Variants in LRRIQ3 observed in about 807,000 individuals in gnomAD.
LRRIQ3 encodes the protein leucine rich repeats and IQ motif containing 3, also known as leucine-rich repeat and IQ domain-containing protein 3.
LRRIQ3 carries 75 observed loss-of-function variants against 59.3 expected under a neutral mutation model. The observed-to-expected ratio is 1.26, with a 90% CI of 1.05 to 1.53. The LOEUF is 1.53. Ranked by LOEUF, LRRIQ3 falls within the 40% of genes most tolerant of loss-of-function variation. The probability of loss-of-function intolerance (pLI) is 0.00; values close to 1 mark genes in which losing one functional copy is unlikely to be tolerated. For synonymous variants in LRRIQ3, 250 were observed against 231.3 expected (o/e 1.08, Z -0.73); for missense variants, 831 against 710.0 (o/e 1.17, Z -1.94).
intron 4 of LRRIQ3, among the ~76,000 whole-genome samples, chr1:74,149,558 T>C (rs1189412605): frequency 6.6e-6 from 1 of 152,224 alleles, no homozygotes; most frequent in Non-Finnish European, 1.5e-5. Context: ...TCAGTCTTGC[T>C]GGAGTACTAC....
chr1:74,027,446 T>C (rs926771944), intron 7 of LRRIQ3, among the ~76,000 whole-genome samples: 3 of 152,012 alleles, frequency 2.0e-5, no homozygotes, highest in Admixed American at 1.3e-4. Context: ...TGTGTACTTA[T>C]AAGAAGAGGA....
At chr1:74,067,400 C>T (rs1025263272) in intron 6 of LRRIQ3, among the ~76,000 whole-genome samples, 4 of 152,058 alleles carry the variant, frequency 2.6e-5, no homozygotes, top group African/African-American at 9.7e-5. Flanking sequence ...GTTCTCTTGC[C>T]TTCTGAATGT....
chr1:74,156,072 G>C (rs1648306209), intron 3 of LRRIQ3, among the ~76,000 whole-genome samples: 1 of 152,208 alleles, frequency 6.6e-6, no homozygotes, highest in East Asian at 1.9e-4. Context: ...TTAGAGATAG[G>C]GGCTTGTGGG....
chr1:74,168,777 T>C (rs1649149449), intron 3 of LRRIQ3, among the ~76,000 whole-genome samples: 1 of 152,122 alleles, frequency 6.6e-6, no homozygotes, highest in Admixed American at 6.6e-5. Context: ...ATAATTAGCA[T>C]ACACAAAAAG....
chr1:74,049,160 G>T (rs1467216088), intron 6 of LRRIQ3, among the ~76,000 whole-genome samples: 1 of 152,162 alleles, frequency 6.6e-6, no homozygotes, highest in East Asian at 1.9e-4. Context: ...GCCTGCTAGG[G>T]ATACAGAGAG....
intron 4 of LRRIQ3, among the ~76,000 whole-genome samples, chr1:74,154,985 G>A (rs1246491722): frequency 6.6e-6 from 1 of 152,132 alleles, no homozygotes. Context: ...TGTGCTGGAA[G>A]GCATTACATC....
chr1:74,150,037 G>T (rs1647825220), intron 4 of LRRIQ3, among the ~76,000 whole-genome samples: 1 of 152,166 alleles, frequency 6.6e-6, no homozygotes, highest in Non-Finnish European at 1.5e-5. Context: ...AAAGAGAAAT[G>T]CAGTATATCC....
At chr1:74,169,991 T>G (rs1362120641) in intron 3 of LRRIQ3, among the ~76,000 whole-genome samples, 3 of 152,228 alleles carry the variant, frequency 2.0e-5, no homozygotes, top group African/African-American at 7.2e-5. Flanking sequence ...TATTCAAGTC[T>G]GTTAACCATT....
chr1:74,109,753 T>C (rs960814866), intron 4 of LRRIQ3, among the ~76,000 whole-genome samples, 200 bp from the exon 5 acceptor site: 5 of 151,802 alleles, frequency 3.3e-5, no homozygotes, highest in Non-Finnish European at 7.4e-5. Context: ...GATAAATGAA[T>C]GCTGAGAAAT....
chr1:74,045,228 C>T (rs951433065), intron 6 of LRRIQ3, among the ~76,000 whole-genome samples: 3 of 152,168 alleles, frequency 2.0e-5, no homozygotes, highest in Admixed American at 6.5e-5. Context: ...TACTGGCGAA[C>T]TGAATCCAGC....
At chr1:74,049,920 T>TC (rs1654317283) in intron 6 of LRRIQ3, among the ~76,000 whole-genome samples, 3 of 150,384 alleles carry the variant, frequency 2.0e-5, no homozygotes, top group Middle Eastern at 3.2e-3. Flanking sequence ...TTGTGTCTTT[T>TC]TTTTCTTTTT....
chr1:74,148,665 G>C (rs965678004), intron 4 of LRRIQ3, among the ~76,000 whole-genome samples: 1 of 152,160 alleles, frequency 6.6e-6, no homozygotes, highest in Non-Finnish European at 1.5e-5. Flanking sequence ...TAAAGTACTC[G>C]TGAGATAACG....
intron 3 of LRRIQ3, among the ~76,000 whole-genome samples, chr1:74,169,472 T>C (rs1319070141): frequency 1.3e-5 from 2 of 152,268 alleles, no homozygotes; most frequent in African/African-American, 4.8e-5. Flanking sequence ...TTGTACTTTG[T>C]TGAGAAACCT....
chr1:74,147,180 G>C (rs1557639708), intron 4 of LRRIQ3, among the ~76,000 whole-genome samples: 1 of 152,124 alleles, frequency 6.6e-6, no homozygotes, highest in East Asian at 1.9e-4. Context: ...AGTGAGCTTA[G>C]ATAACACCAC....
At chr1:74,066,117 C>T (rs1188402720) in intron 6 of LRRIQ3, among the ~76,000 whole-genome samples, 2 of 148,086 alleles carry the variant, frequency 1.4e-5, no homozygotes, top group African/African-American at 2.5e-5. Context: ...ACCCGGGAGG[C>T]AGAGGTAACA....
At chr1:74,093,441 A>G (rs1401530200) in intron 5 of LRRIQ3, among the ~76,000 whole-genome samples, 2 of 152,106 alleles carry the variant, frequency 1.3e-5, no homozygotes, top group African/African-American at 2.4e-5. Context: ...GAGTTTTATT[A>G]TAGGTATGCT....
intron 4 of LRRIQ3, among the ~76,000 whole-genome samples, chr1:74,113,856 G>T (rs1358725621): frequency 6.6e-6 from 1 of 151,706 alleles, no homozygotes. Context: ...GCTGGCAAAG[G>T]TAATTATGTA....
intron 5 of LRRIQ3, among the ~76,000 whole-genome samples, chr1:74,087,217 T>C (rs1325762088): frequency 6.6e-6 from 1 of 152,014 alleles, no homozygotes; most frequent in Middle Eastern, 3.2e-3. Flanking sequence ...CCCTATCCAC[T>C]TGTTTCCACA....
chr1:74,066,356 T>G (rs574027695), intron 6 of LRRIQ3, among the ~76,000 whole-genome samples: 1 of 152,204 alleles, frequency 6.6e-6, no homozygotes, highest in East Asian at 1.9e-4. Flanking sequence ...TAGATTTATT[T>G]GACATAATGT....
Sources: gnomAD v4.1 joint callset for allele counts (sites outside exome capture counted in the v4.1 genomes callset) on GRCh38, gnomAD v4.1.1 for gene constraint, MANE v1.5 for transcripts, NCBI Gene and HGNC (gene_info 2026-07-23, HGNC 2026-07-21) for gene names.